KCNH5: variants seen among roughly 807,000 people sequenced by gnomAD.
KCNH5 encodes the protein potassium voltage-gated channel subfamily H member 5.
In KCNH5, 46 loss-of-function variants were observed where a neutral mutation model predicts 96.1. That is an observed-to-expected ratio of 0.48 (90% CI 0.38 to 0.61). The LOEUF (loss-of-function observed/expected upper bound fraction) is 0.61. Ranked by LOEUF, KCNH5 falls within the 20% of genes least tolerant of loss-of-function variation. The pLI, the probability that KCNH5 is intolerant of heterozygous loss-of-function variation, is 0.00. For missense variants in KCNH5, 907 were observed against 1,225.8 expected (o/e 0.74, Z 3.88); for synonymous variants, 439 against 449.8 (o/e 0.98, Z 0.30).
rs2139895468 is a variant in KCNH5, at chr14:62,704,312, A to T, written c.*3196T>A. On this transcript the variant is annotated 3_prime_UTR_variant, in exon 11 of 11. Coordinates refer to ENST00000322893, the MANE Select transcript of KCNH5 (RefSeq NM_139318.5). ...AAATTTTCCATTTTAACAATGAAGC[A>T]TGGGCCTGTATTCAACCACGTCATT... 1 of 152,038 alleles carries T rather than the reference A, an allele frequency of 6.6e-6. No individual in the cohort carries two copies. The highest frequency in any genetic ancestry group is 6.5e-5 in the Admixed American group (1 of 15,270). The allele number at this position is 152,038 out of a possible 1,614,324, so 9.4% of individuals were successfully genotyped here.
chr14:62,709,317 C>T lies in KCNH5; in HGVS notation c.2020-862G>A, dbSNP rs570265798. On this transcript the variant is annotated intron_variant, in intron 10 of 10. Coordinates refer to ENST00000322893, the MANE Select transcript of KCNH5 (RefSeq NM_139318.5). ...TTCCAGGCTATAAGTGTACTGAAAA[C>T]TTACACAGTTTAGCAAATGGCATCT... Among the ~76,000 whole-genome samples the T allele has an allele frequency of 8.9e-5, 13 of 146,874 alleles. No homozygotes were observed. In the South Asian group the frequency reaches 2.7e-3, roughly 31 times the overall value.
At chr14:62,813,750 A>T (rs142862748) in intron 8 of KCNH5, among the ~76,000 whole-genome samples, 336 of 152,340 alleles carry the variant, frequency 2.2e-3, no homozygotes, top group African/African-American at 7.7e-3. Context: ...CAGTGGAGAG[A>T]GTCAGGCAAG....
intron 1 of KCNH5, among the ~76,000 whole-genome samples, chr14:63,033,655 A>G (rs1230739869): frequency 1.3e-5 from 2 of 152,166 alleles, no homozygotes; most frequent in African/African-American, 4.8e-5. Flanking sequence ...CTGTACACTC[A>G]CAAATGTTTT....
chr14:62,855,363 G>C (rs1777977928), intron 7 of KCNH5, among the ~76,000 whole-genome samples: 1 of 152,130 alleles, frequency 6.6e-6, no homozygotes, highest in African/African-American at 2.4e-5. Context: ...GATTGTATGT[G>C]CAGGATACAG....
chr14:62,904,311 T>C (rs1410495601), intron 7 of KCNH5, among the ~76,000 whole-genome samples: 1 of 152,232 alleles, frequency 6.6e-6, no homozygotes, highest in Non-Finnish European at 1.5e-5. Flanking sequence ...GTGAAGGGTC[T>C]CCACGCTAAA....
At chr14:62,939,578 T>C (rs1396257897) in intron 7 of KCNH5, among the ~76,000 whole-genome samples, 1 of 152,218 alleles carries the variant, frequency 6.6e-6, no homozygotes, top group African/African-American at 2.4e-5. Flanking sequence ...CTACAAGTGC[T>C]TTTGAACTCG....
At chr14:62,826,384 G>A (rs538196209) in intron 8 of KCNH5, among the ~76,000 whole-genome samples, 21 of 137,778 alleles carry the variant, frequency 1.5e-4, no homozygotes, top group African/African-American at 4.2e-4. Context: ...TTGAGATTTT[G>A]TGTGTGTGTG....
intron 10 of KCNH5, among the ~76,000 whole-genome samples, chr14:62,728,354 T>C (rs1884979604): frequency 7.0e-6 from 1 of 142,224 alleles, no homozygotes; most frequent in Non-Finnish European, 1.5e-5. Flanking sequence ...ACCACTGCAC[T>C]CCAGCCTGGG....
intron 10 of KCNH5, among the ~76,000 whole-genome samples, chr14:62,778,177 C>G (rs1366286395): frequency 6.6e-6 from 1 of 152,102 alleles, no homozygotes; most frequent in African/African-American, 2.4e-5. Context: ...ACAGTCTTCC[C>G]TCGGTATACG....
intron 10 of KCNH5, among the ~76,000 whole-genome samples, chr14:62,716,396 C>T (rs1257651239): frequency 6.6e-6 from 1 of 152,176 alleles, no homozygotes; most frequent in Non-Finnish European, 1.5e-5. Context: ...AAAATCCAAA[C>T]TCCTTAGTAA....
rs184023492 is a variant in KCNH5 at position 62,726,408 on chromosome 14, A to G, written c.2020-17953T>C. On this transcript the variant is annotated intron_variant, in intron 10 of 10. Transcript: ENST00000322893. ...AATGCAATGCATATACCCGATAAAAACTCATATCCAGAATCTATAAAAAAT... is the reference window on the plus strand; with the variant it reads ...AATGCAATGCATATACCCGATAAAAGCTCATATCCAGAATCTATAAAAAAT... Among the ~76,000 whole-genome samples the G allele has an allele frequency of 3.8e-3, 581 of 152,262 alleles. 2 individuals carry two copies. Among genetic ancestry groups the G allele is most frequent in the South Asian group, 6.4e-3 (31 of 4,828 alleles).
intron 6 of KCNH5, among the ~76,000 whole-genome samples, chr14:62,955,053 G>C (rs1322491951): frequency 1.3e-5 from 2 of 148,610 alleles, no homozygotes; most frequent in African/African-American, 5.0e-5. Context: ...ACATGTAGGA[G>C]ATCAGTTGAA....
At position 62,702,515 on chromosome 14, in the gene KCNH5, T is replaced by C. The variant is rs1884363446; in HGVS notation, c.*4993A>G. 1 of 152,026 alleles carries C rather than the reference T, an allele frequency of 6.6e-6. No homozygotes were observed. Among genetic ancestry groups the C allele is most frequent in the Non-Finnish European group, 1.5e-5 (1 of 67,882 alleles). The allele number at this position is 152,026 out of a possible 1,614,324, so 9.4% of individuals were successfully genotyped here. A position where few individuals can be genotyped will look rare whatever the true frequency, so the allele number is the denominator to read the frequency against. On this transcript the variant is annotated 3_prime_UTR_variant, in exon 11 of 11. Transcript: ENST00000322893. ...ACTTTACCATGTAACAAGTATGCCA[T>C]CCTGGACAAGTTCCTTAACCTATAC...
intron 8 of KCNH5, among the ~76,000 whole-genome samples, chr14:62,812,044 G>A (rs1303714827): frequency 6.6e-6 from 1 of 152,094 alleles, no homozygotes; most frequent in East Asian, 1.9e-4. Context: ...TATGTGACTT[G>A]CTCAAGTCCT....
intron 1 of KCNH5, among the ~76,000 whole-genome samples, chr14:63,029,408 A>G (rs1891584910): frequency 6.6e-6 from 1 of 152,204 alleles, no homozygotes; most frequent in South Asian, 2.1e-4. Flanking sequence ...GAGACTAAAT[A>G]AAGTAAGCAG....
At chr14:63,021,215 C>G (rs551096516) in intron 1 of KCNH5, among the ~76,000 whole-genome samples, 7 of 152,154 alleles carry the variant, frequency 4.6e-5, no homozygotes, top group Admixed American at 4.6e-4. Context: ...GCTAAATTGT[C>G]TCCCTGAAAC....
intron 7 of KCNH5, among the ~76,000 whole-genome samples, chr14:62,893,869 A>G (rs1166621892): frequency 6.6e-6 from 1 of 152,246 alleles, no homozygotes. Flanking sequence ...CATGCTATAG[A>G]GAAATCTTTT....
In KCNH5 at chr14:62,708,369, C is replaced by T. The variant is rs1236861821; in HGVS notation, c.2106G>A (p.Val702=). The change falls in exon 11 of 11, where the codon GTG becomes GTA. Residue 702 remains valine, a synonymous_variant. Transcript: ENST00000322893. ...QKNEVTLSIP[V]DHPVRKLFQK... ...GGAAGAGCTTTCTGACTGGGTGGTC[C>T]ACGGGAATGCTGAGGGTCACCTCAT... The T allele has an allele frequency of 1.5e-5, 25 of 1,613,742 alleles. No individual in the cohort carries two copies. The highest frequency in any genetic ancestry group is 2.0e-5 in the Non-Finnish European group (24 of 1,180,036).
intron 9 of KCNH5, among the ~76,000 whole-genome samples, chr14:62,781,874 T>G (rs552748568): frequency 2.0e-5 from 3 of 152,338 alleles, no homozygotes; most frequent in Middle Eastern, 3.4e-3. Flanking sequence ...ATTAAGAGAT[T>G]AAAGACAGGC....
Sources: allele counts gnomAD v4.1 joint callset (sites outside exome capture counted in the v4.1 genomes callset), GRCh38; gene constraint gnomAD v4.1.1; transcripts MANE v1.5; gene names NCBI Gene and HGNC (gene_info 2026-07-23, HGNC 2026-07-21).